ZFP62: variants seen among roughly 807,000 people sequenced by gnomAD.
ZFP62 encodes zinc finger protein 62 homolog.
A neutral mutation model predicts 56.4 loss-of-function variants in ZFP62; 44 were observed. That is an observed-to-expected ratio of 0.78 (90% CI 0.61 to 1.00). The LOEUF is 1.00. ZFP62 is among the 50% of genes least tolerant of loss of function. The pLI is 0.00. For missense variants in ZFP62, 1,030 were observed against 1,085.7 expected (o/e 0.95, Z 0.72); for synonymous variants, 421 against 388.9 (o/e 1.08, Z -0.97).
the ZFP62 span, among the ~76,000 whole-genome samples, chr5:180,833,479 A>AG: frequency 0.013 from 1,275 of 97,622 alleles, 18 homozygotes; most frequent in African/African-American, 0.074. Flanking sequence ...ACTCTGTCTC[A>AG]AAAAAAAAAA....
the ZFP62 span, among the ~76,000 whole-genome samples, chr5:180,828,558 T>C: frequency 2.0e-5 from 3 of 152,366 alleles, no homozygotes; most frequent in South Asian, 4.1e-4. Flanking sequence ...TATAATTTCT[T>C]ATGCCTGTCT....
At chr5:180,853,633 C>T (rs1050515849) in intron 1 of ZFP62, among the ~76,000 whole-genome samples, 2 of 152,108 alleles carry the variant, frequency 1.3e-5, no homozygotes, top group African/African-American at 2.4e-5. Context: ...ATACCACAAT[C>T]GCAGGAAGAG....
In ZFP62 at chr5:180,848,632, T is replaced by C; in HGVS notation, c.*160A>G. 1 of 1,373,590 alleles carries C rather than the reference T, an allele frequency of 7.3e-7. No homozygotes were observed. Among genetic ancestry groups the C allele is most frequent in the Non-Finnish European group, 9.4e-7 (1 of 1,065,672 alleles). The allele number at this position is 1,373,590 out of a possible 1,614,324, so 85.1% of individuals were successfully genotyped here. On this transcript the variant is annotated 3_prime_UTR_variant, in exon 2 of 2. Transcript: ENST00000502412. ...ACTACCTTGACACTGGAGCCTTTCT[T>C]GCTTGCTATGATTGAAAATCACATA... is the stretch of plus-strand genomic sequence containing the variant.
At chr5:180,847,550 C>G, downstream of ZFP62, 1 of 976,556 alleles carries the variant, frequency 1.0e-6, no homozygotes. Context: ...GTATAACTTA[C>G]CCAACAAAGA....
At position 180,848,683 on chromosome 5, in the gene ZFP62, G is replaced by A. The variant is rs544019288; in HGVS notation, c.*109C>T. The A allele has an allele frequency of 2.1e-6, 3 of 1,419,456 alleles. No homozygotes were observed. The highest frequency in any genetic ancestry group is 2.8e-6 in the Non-Finnish European group (3 of 1,083,450). 87.9% of individuals were successfully genotyped at this position (1,419,456 alleles called of 1,614,324 possible). On this transcript the variant is annotated 3_prime_UTR_variant, in exon 2 of 2. Transcript: ENST00000502412. ...GAAAGGATTCCTCATAATCCTCTAG[G>A]ATGGTTTCATTTACACTGTGTAAAT...
downstream of ZFP62, among the ~76,000 whole-genome samples, chr5:180,847,345 T>C (rs1773439013): frequency 7.2e-6 from 1 of 138,038 alleles, no homozygotes; most frequent in Non-Finnish European, 1.6e-5. Flanking sequence ...CTGTGTGTGG[T>C]GACTGATCAC....
downstream of ZFP62, chr5:180,845,711 G>A (rs374243657): frequency 1.9e-5 from 19 of 985,346 alleles, no homozygotes; most frequent in East Asian, 1.0e-3. Context: ...ATTACTCAAG[G>A]TCTTGATGCA....
In ZFP62 at chr5:180,848,567, T is replaced by C; in HGVS notation, c.*225A>G. The C allele has an allele frequency of 4.0e-6, 5 of 1,237,746 alleles. No individual in the cohort carries two copies. Among genetic ancestry groups the C allele is most frequent in the Non-Finnish European group, 5.1e-6 (5 of 988,794 alleles). The allele number at this position is 1,237,746 out of a possible 1,614,324, so 76.7% of individuals were successfully genotyped here. A position where few individuals can be genotyped will look rare whatever the true frequency, so the allele number is the denominator to read the frequency against. ...ATTCCATCACTCAGATCTAAGTTTT[T>C]CTCTCAAGTATGGACTGTTTTATAT... On this transcript the variant is annotated 3_prime_UTR_variant, in exon 2 of 2. Transcript: ENST00000502412.
At position 180,851,396 on chromosome 5, in the gene ZFP62, A is replaced by G; in HGVS notation, c.99T>C (p.Pro33=). 4 of 1,551,678 alleles carry G rather than the reference A, an allele frequency of 2.6e-6. No homozygotes were observed. Among genetic ancestry groups the G allele is most frequent in the Non-Finnish European group, 8.7e-7 (1 of 1,146,982 alleles). The change falls in exon 2 of 2, where the codon CCT becomes CCC. Residue 33 remains proline (P), a synonymous_variant. Transcript: ENST00000502412. ...TGTCACCAACCTTAGATTCAGGCAT[A>G]GGATCCTCCACTTTTGGCCACTTAG... The part of the protein sequence containing the change: ...AASKWPKVED[P]MPESKVGDTC...
the ZFP62 span, chr5:180,831,596 G>A: frequency 6.6e-6 from 1 of 152,538 alleles, no homozygotes; most frequent in Admixed American, 6.5e-5. Flanking sequence ...GCTGCGGAGA[G>A]AGGCCCAGCA....
intron 1 of ZFP62, among the ~76,000 whole-genome samples, chr5:180,860,890 T>C (rs983867209): frequency 2.0e-5 from 3 of 152,114 alleles, no homozygotes; most frequent in East Asian, 1.9e-4. Context: ...CAGGGATGAA[T>C]AGTTGAGGAA....
At chr5:180,827,975 G>A in the ZFP62 span, among the ~76,000 whole-genome samples, 1 of 152,132 alleles carries the variant, frequency 6.6e-6, no homozygotes, top group Non-Finnish European at 1.5e-5. Context: ...CTTTGTTCAC[G>A]TGTTTGTCTG....
Position 180,851,513 on chromosome 5 carries a change from A to G in ZFP62, c.2-20T>C, listed in dbSNP as rs527537764. The G allele has an allele frequency of 5.3e-6, 8 of 1,509,418 alleles. No individual in the cohort carries two copies. In the South Asian group the frequency reaches 9.0e-5, roughly 17 times the overall value. The allele number at this position is 1,509,418 out of a possible 1,614,324, so 93.5% of individuals were successfully genotyped here. On this transcript the variant is annotated intron_variant, in intron 1 of 1. Coordinates refer to ENST00000502412, the MANE Select transcript of ZFP62 (RefSeq NM_001172638.2). Reference sequence around the variant, plus strand: ...GTGACACTAAACCAAGAAAATGAAAAGGACACCTATTCACTCTCTTAAAAA... The same window carrying G: ...GTGACACTAAACCAAGAAAATGAAAGGGACACCTATTCACTCTCTTAAAAA...
chr5:180,829,786 C>A, the ZFP62 span, among the ~76,000 whole-genome samples: 1 of 152,186 alleles, frequency 6.6e-6, no homozygotes, highest in Non-Finnish European at 1.5e-5. Context: ...GGAGCCGACA[C>A]TGAAAGCCCC....
rs1231584184 is a variant in ZFP62 at position 180,849,092 on chromosome 5, G to T, written c.2403C>A (p.Ile801=). 4 of 1,553,182 alleles carry T rather than the reference G, an allele frequency of 2.6e-6. No individual in the cohort carries two copies. The Admixed American group carries it at 7.8e-5, about 30-fold the overall frequency. The change falls in exon 2 of 2, where the codon ATC becomes ATA. Residue 801 remains isoleucine (I), a synonymous_variant. Transcript: ENST00000502412. Reference sequence around the variant, plus strand: ...TCCCCTGGTGGACACTTTTATGATTGATAAGACTTGAGTGTGAGATGTATG... The same window carrying T: ...TCCCCTGGTGGACACTTTTATGATTTATAAGACTTGAGTGTGAGATGTATG... ...GKAYISHSSL[I]NHKSVHQGKQ... is the part of the protein sequence containing the mutation.
chr5:180,851,986 A>AC, intron 1 of ZFP62: 2 of 986,214 alleles, frequency 2.0e-6, no homozygotes, highest in Non-Finnish European at 2.4e-6. Context: ...AAAAATTAGT[A>AC]CCTGGGGAGG....
Position 180,849,369 on chromosome 5 carries a change from G to C in ZFP62, c.2126C>G (p.Ala709Gly), listed in dbSNP as rs1205118701. Reference protein sequence around the residue: ...TPHTCDECGKAFFSSRTLISH... With the variant: ...TPHTCDECGKGFFSSRTLISH... ...TATAAGAGTTCTGCTTGAGAAAAAAGCTTTTCCACATTCATCACATGTATG... is the reference window on the plus strand; with the variant it reads ...TATAAGAGTTCTGCTTGAGAAAAAACCTTTTCCACATTCATCACATGTATG... The change falls in exon 2 of 2, where the codon GCT (alanine) becomes GGT (glycine). Residue 709 changes from alanine (A) to glycine (G), a missense_variant. Ala to Gly is a moderately conservative substitution (Grantham distance 60, BLOSUM62 0). Transcript: ENST00000502412. 12 of 1,551,030 alleles carry C rather than the reference G, an allele frequency of 7.7e-6. No individual in the cohort carries two copies. The highest frequency in any genetic ancestry group is 3.9e-5 in the Admixed American group (2 of 50,938).
chr5:180,843,058 T>A (rs1217941049), downstream of ZFP62, among the ~76,000 whole-genome samples: 4 of 146,018 alleles, frequency 2.7e-5, no homozygotes, highest in South Asian at 2.1e-4. Flanking sequence ...AAAAAATAAA[T>A]AAATAAATTT....
rs1373921946 is a variant in ZFP62, at chr5:180,848,238, C to T, written c.*554G>A. On this transcript the variant is annotated 3_prime_UTR_variant, in exon 2 of 2. Coordinates refer to ENST00000502412, the MANE Select transcript of ZFP62 (RefSeq NM_001172638.2). ...GAAATCCAAATTTTGTTTCAGAAGTCATCATCACTGCCCCCTCCCAAACCA... is the reference window on the plus strand; with the variant it reads ...GAAATCCAAATTTTGTTTCAGAAGTTATCATCACTGCCCCCTCCCAAACCA... 1 of 985,426 alleles carries T rather than the reference C, an allele frequency of 1.0e-6. No individual in the cohort carries two copies. Among genetic ancestry groups the T allele is most frequent in the Non-Finnish European group, 1.2e-6 (1 of 829,964 alleles). 61.0% of individuals were successfully genotyped at this position (985,426 alleles called of 1,614,324 possible).
Sources: allele counts gnomAD v4.1 joint callset (sites outside exome capture counted in the v4.1 genomes callset), GRCh38; gene constraint gnomAD v4.1.1; transcripts MANE v1.5; gene names NCBI Gene and HGNC (gene_info 2026-07-23, HGNC 2026-07-21).